CHRNA7: variants seen among roughly 807,000 people sequenced by gnomAD.
CHRNA7 encodes the protein neuronal acetylcholine receptor subunit alpha-7.
In CHRNA7, 17 loss-of-function variants were observed where a neutral mutation model predicts 48.0. The observed-to-expected ratio is 0.35, with a 90% CI of 0.24 to 0.53. The LOEUF (loss-of-function observed/expected upper bound fraction) is 0.53. Ranked by LOEUF, CHRNA7 falls within the 20% of genes least tolerant of loss-of-function variation. The pLI is 0.92. For missense variants in CHRNA7, 155 were observed against 577.7 expected, an observed-to-expected ratio of 0.27 and a Z score of 7.50; for synonymous variants, 75 against 242.3, an observed-to-expected ratio of 0.31 and a Z score of 6.41.
At chr15:32,044,425 G>T (rs1255498258) in intron 2 of CHRNA7, among the ~76,000 whole-genome samples, 2 of 152,030 alleles carry the variant, frequency 1.3e-5, no homozygotes, top group Non-Finnish European at 2.9e-5. Context: ...CTACAGGTGT[G>T]CACCACCACG....
intron 2 of CHRNA7, among the ~76,000 whole-genome samples, chr15:32,066,889 A>G (rs1226644554): frequency 6.6e-6 from 1 of 152,178 alleles, no homozygotes; most frequent in African/African-American, 2.4e-5. Context: ...TCCAATAATG[A>G]AAATGAAATA....
chr15:32,114,116 A>AC (rs1351125818), intron 4 of CHRNA7, among the ~76,000 whole-genome samples: 1 of 146,848 alleles, frequency 6.8e-6, no homozygotes, highest in Non-Finnish European at 1.5e-5. Flanking sequence ...ACACACACAT[A>AC]CATACATATA....
chr15:32,105,381 AAAG>A (rs1046701421), intron 3 of CHRNA7, among the ~76,000 whole-genome samples: 77 of 151,036 alleles, frequency 5.1e-4, no homozygotes, highest in African/African-American at 1.8e-3. Context: ...GAGGAGGAAA[AAAG>A]GAGGAAAAAT....
chr15:32,150,427 C>T (rs1365124916), intron 4 of CHRNA7, among the ~76,000 whole-genome samples: 4 of 152,104 alleles, frequency 2.6e-5, no homozygotes, highest in Non-Finnish European at 5.9e-5. Flanking sequence ...ACGTCTGGTG[C>T]GGGTTAGATG....
At chr15:32,082,883 C>T (rs2141234654) in intron 2 of CHRNA7, among the ~76,000 whole-genome samples, 1 of 152,158 alleles carries the variant, frequency 6.6e-6, no homozygotes, top group Non-Finnish European at 1.5e-5. Context: ...GCCTGTAATA[C>T]CAACACTTTG....
At chr15:32,035,647 A>C (rs1363487324) in intron 2 of CHRNA7, among the ~76,000 whole-genome samples, 1 of 152,198 alleles carries the variant, frequency 6.6e-6, no homozygotes, top group African/African-American at 2.4e-5. Flanking sequence ...GTATGATTTT[A>C]CATTCATTAG....
chr15:32,045,933 C>A (rs1024308886), intron 2 of CHRNA7, among the ~76,000 whole-genome samples: 1 of 149,750 alleles, frequency 6.7e-6, no homozygotes, highest in Non-Finnish European at 1.5e-5. Flanking sequence ...GTTTTTTGTC[C>A]TTGGGATAGT....
At chr15:32,137,144 G>A (rs2051283480) in intron 4 of CHRNA7, among the ~76,000 whole-genome samples, 1 of 151,430 alleles carries the variant, frequency 6.6e-6, no homozygotes, top group Non-Finnish European at 1.5e-5. Flanking sequence ...AAATATTACA[G>A]TAGACAAGAT....
chr15:32,092,351 A>G (rs2133965), intron 2 of CHRNA7, among the ~76,000 whole-genome samples: 125,623 of 152,232 alleles, frequency 0.83, 53,346 homozygotes, highest in Non-Finnish European at 0.93. Context: ...CTTATATAGT[A>G]TAATATAAAG....
At chr15:32,134,124 T>C (rs2051203905) in intron 4 of CHRNA7, among the ~76,000 whole-genome samples, 1 of 151,916 alleles carries the variant, frequency 6.6e-6, no homozygotes, top group Admixed American at 6.6e-5. Context: ...ACATCCATCC[T>C]GTCCCACCCC....
Position 32,168,981 on chromosome 15 carries a change from TTATTTC to T in CHRNA7, c.*527_*532del, listed in dbSNP as rs2052328894. On this transcript the variant is annotated 3_prime_UTR_variant, in exon 10 of 10. Coordinates refer to ENST00000306901, the MANE Select transcript of CHRNA7 (RefSeq NM_000746.6). ...GCAATTCAACTTTTTATTTTTATTT[TTATTTC>T]TATCAAAGACGGTAGAGAGAAACAG... is the stretch of plus-strand genomic sequence containing the variant. 7.0e-6 allele frequency: 1 copy of T among 142,388 alleles called. No individual in the cohort carries two copies. The highest frequency in any genetic ancestry group is 2.7e-5 in the African/African-American group (1 of 37,228). 8.8% of individuals were successfully genotyped at this position (142,388 alleles called of 1,614,324 possible).
At chr15:32,070,061 A>G (rs2050029587) in intron 2 of CHRNA7, among the ~76,000 whole-genome samples, 1 of 152,200 alleles carries the variant, frequency 6.6e-6, no homozygotes, top group Non-Finnish European at 1.5e-5. Context: ...AACCTTTTTA[A>G]AAAATAAGCC....
At chr15:32,037,724 G>A (rs1902159355) in intron 2 of CHRNA7, among the ~76,000 whole-genome samples, 1 of 151,976 alleles carries the variant, frequency 6.6e-6, no homozygotes, top group Non-Finnish European at 1.5e-5. Context: ...CCGAAATATA[G>A]GAAAGCGATT....
At chr15:32,049,802 G>A (rs1223578340) in intron 2 of CHRNA7, among the ~76,000 whole-genome samples, 1 of 152,150 alleles carries the variant, frequency 6.6e-6, no homozygotes, top group Non-Finnish European at 1.5e-5. Context: ...GCCTTTCCAT[G>A]TTTAGTGCTT....
In CHRNA7 at chr15:32,051,033, G is replaced by A. The variant is rs540401248; in HGVS notation, c.195+19996G>A. On this transcript the variant is annotated intron_variant, in intron 2 of 9. Coordinates refer to ENST00000306901, the MANE Select transcript of CHRNA7 (RefSeq NM_000746.6). ...TTTTGTCTCAGAGGAGTACCCGGCC[G>A]TGTGAGGTGTCAGTCTGCCCCTACT... Among the ~76,000 whole-genome samples, 103 of 136,762 alleles carry A rather than the reference G, an allele frequency of 7.5e-4. No homozygotes were observed. The South Asian group carries it at 0.022, about 29-fold the overall frequency. The allele number at this position is 136,762 out of a possible 152,430, so 89.7% of individuals were successfully genotyped here.
At chr15:32,059,929 C>T (rs191298532) in intron 2 of CHRNA7, among the ~76,000 whole-genome samples, 26 of 66,376 alleles carry the variant, frequency 3.9e-4, no homozygotes, top group African/African-American at 1.5e-3. Flanking sequence ...ATCTCTGAAA[C>T]GCCAAGTAGA....
chr15:32,051,784 C>T (rs2049687556), intron 2 of CHRNA7, among the ~76,000 whole-genome samples: 1 of 152,184 alleles, frequency 6.6e-6, no homozygotes, highest in Non-Finnish European at 1.5e-5. Flanking sequence ...TCCTATTTGG[C>T]CATCTTGGCT....
chr15:32,146,782 A>T (rs1326077812), intron 4 of CHRNA7, among the ~76,000 whole-genome samples: 1 of 152,202 alleles, frequency 6.6e-6, no homozygotes, highest in East Asian at 1.9e-4. Context: ...ATTCCAACTA[A>T]ATTTAATGTG....
intron 4 of CHRNA7, among the ~76,000 whole-genome samples, chr15:32,130,595 CT>C (rs34571226): frequency 1.3e-5 from 2 of 150,036 alleles, no homozygotes; most frequent in African/African-American, 2.4e-5. Flanking sequence ...ATGTACTTAA[CT>C]TTTTTTTAGA....
Sources: gnomAD v4.1 joint callset for allele counts (sites outside exome capture counted in the v4.1 genomes callset) on GRCh38, gnomAD v4.1.1 for gene constraint, MANE v1.5 for transcripts, NCBI Gene and HGNC (gene_info 2026-07-23, HGNC 2026-07-21) for gene names.